Variants in FBXW7 observed in about 807,000 individuals in gnomAD.
FBXW7 encodes F-box and WD repeat domain containing 7, also known as F-box/WD repeat-containing protein 7.
Under a neutral mutation model 86.3 loss-of-function variants are expected in FBXW7, and 11 were observed. The observed-to-expected ratio is 0.13, with a 90% CI of 0.08 to 0.21. The LOEUF (loss-of-function observed/expected upper bound fraction) is 0.21, where lower values mean the gene tolerates loss of function less well. Among genes scored for constraint, FBXW7 ranks in the 10% least tolerant of loss-of-function variants. The pLI, the probability that FBXW7 is intolerant of heterozygous loss-of-function variation, is 1.00. For missense variants in FBXW7, 488 were observed against 847.4 expected (o/e 0.58, Z 5.27); for synonymous variants, 313 against 297.9 (o/e 1.05, Z -0.52).
At chr4:152,418,144 C>CACACAA (rs1013109273) in intron 2 of FBXW7, among the ~76,000 whole-genome samples, 12 of 151,888 alleles carry the variant, frequency 7.9e-5, no homozygotes, top group African/African-American at 2.7e-4. Flanking sequence ...CACACACACA[C>CACACAA]ACACACACAC....
chr4:152,385,633 C>T (rs1735460801), intron 4 of FBXW7, among the ~76,000 whole-genome samples: 1 of 151,974 alleles, frequency 6.6e-6, no homozygotes, highest in African/African-American at 2.4e-5. Flanking sequence ...ACAATGACAA[C>T]AGAAACAAAA....
chr4:152,349,969 A>G (rs1731649229), intron 5 of FBXW7, 73 bp downstream of exon 5: 7 of 829,834 alleles, frequency 8.4e-6, no homozygotes, highest in African/African-American at 1.7e-5. Context: ...TTCTACAAGA[A>G]TAAACTAAAA....
chr4:152,370,707 A>C (rs1733934161), intron 4 of FBXW7, among the ~76,000 whole-genome samples: 1 of 152,130 alleles, frequency 6.6e-6, no homozygotes, highest in African/African-American at 2.4e-5. Context: ...CCAATGTAGT[A>C]AGATGTACGT....
In FBXW7 at chr4:152,411,948, T is replaced by A. The variant is rs2292743; in HGVS notation, c.-69-76A>T. The A allele has an allele frequency of 0.34, 437,144 of 1,299,114 alleles. 79,638 individuals carry two copies. The highest frequency in any genetic ancestry group is 0.63 in the African/African-American group (42,289 of 67,018). 80.5% of individuals were successfully genotyped at this position (1,299,114 alleles called of 1,614,324 possible). On this transcript the variant is annotated intron_variant, in intron 3 of 13. Coordinates refer to ENST00000281708, the MANE Select transcript of FBXW7 (RefSeq NM_001349798.2). ...TTCTACTTTCATGTTATATGTCTAC[T>A]TTCTAAATATCATTAATGATTGCAA...
intron 2 of FBXW7, among the ~76,000 whole-genome samples, chr4:152,423,588 C>G (rs1288667720): frequency 1.3e-5 from 2 of 152,056 alleles, no homozygotes; most frequent in Non-Finnish European, 2.9e-5. Context: ...AGAGATAAAC[C>G]ACATAAATGA....
intron 2 of FBXW7, among the ~76,000 whole-genome samples, chr4:152,475,795 C>T (rs574569135): frequency 5.0e-4 from 76 of 152,230 alleles, no homozygotes; most frequent in African/African-American, 1.7e-3. Flanking sequence ...AAAATATGTG[C>T]AGGATCTGCA....
intron 2 of FBXW7, among the ~76,000 whole-genome samples, chr4:152,510,385 C>CA (rs1165741744): frequency 2.6e-5 from 4 of 152,166 alleles, no homozygotes; most frequent in African/African-American, 9.7e-5. Flanking sequence ...AAAAAGGCCA[C>CA]AAAAATGTAT....
At chr4:152,433,868 TTATTCCACGCATCTTACATG>T (rs1252462481) in intron 2 of FBXW7, among the ~76,000 whole-genome samples, 1 of 152,162 alleles carries the variant, frequency 6.6e-6, no homozygotes, top group East Asian at 1.9e-4. Context: ...AATGGAAAAA[TTATTCCACGCATCTTACATG>T]TATTTGTTGG....
intron 2 of FBXW7, among the ~76,000 whole-genome samples, chr4:152,435,718 T>C (rs919668592): frequency 6.6e-6 from 1 of 152,248 alleles, no homozygotes; most frequent in African/African-American, 2.4e-5. Context: ...TGCAGTTTAC[T>C]GCACTTCACA....
intron 10 of FBXW7, among the ~76,000 whole-genome samples, chr4:152,329,339 T>C (rs1729341834): frequency 6.6e-6 from 1 of 151,812 alleles, no homozygotes; most frequent in Non-Finnish European, 1.5e-5. Context: ...TACAAAGTAA[T>C]GAGGTATAAC....
Position 152,330,734 on chromosome 4 carries a change from T to C in FBXW7, c.1120A>G (p.Lys374Glu), listed in dbSNP as rs937391131. The C allele has an allele frequency of 3.7e-6, 6 of 1,611,682 alleles. No homozygotes were observed. Among genetic ancestry groups the C allele is most frequent in the South Asian group, 1.1e-5 (1 of 90,896 alleles). The change falls in exon 9 of 14, where the codon AAG becomes GAG. Residue 374 changes from lysine to glutamate, a missense_variant and splice_region_variant. Physicochemically the swap from Lys to Glu is moderately conservative, Grantham distance 56 (BLOSUM62 1). Coordinates refer to ENST00000281708, the MANE Select transcript of FBXW7 (RefSeq NM_001349798.2). ...NWRRGELKSP[K>E]VLKGHDDHVI... ...TACATTGTGCAGAGTTCAGTTACCTTAGGAGATTTGAGTTCTCCTCGCCTC... is the reference window on the plus strand; with the variant it reads ...TACATTGTGCAGAGTTCAGTTACCTCAGGAGATTTGAGTTCTCCTCGCCTC...
chr4:152,326,334 CTT>C (rs367926135), intron 11 of FBXW7, 103 bp from the exon 12 acceptor site: 42,655 of 518,346 alleles, frequency 0.082, no homozygotes, highest in East Asian at 0.1. Context: ...GGTTTTTTAG[CTT>C]TTTTTTTTTT....
intron 2 of FBXW7, among the ~76,000 whole-genome samples, chr4:152,430,904 G>A (rs749289234): frequency 6.6e-6 from 1 of 152,188 alleles, no homozygotes; most frequent in Non-Finnish European, 1.5e-5. Context: ...CCTTTGGTCA[G>A]TATTGTATCC....
rs761173677 is a variant in FBXW7 at position 152,328,329 on chromosome 4, T to C, written c.1297A>G (p.Ile433Val). ...CGATCTGTAGATCCACTAATGATGA[T>C]GTTGTCTCTCATTTGTGATGACCAT... ...GVWSSQMRDN[I>V]IISGSTDRTL... Residue 433 changes from isoleucine to valine, a missense_variant, in exon 11 of 14, where the codon ATC (isoleucine) becomes GTC (valine). Physicochemically the swap from Ile to Val is conservative, Grantham distance 29. Around this residue, in one of 4 missense-constraint regions of FBXW7, gnomAD observed 142 missense variants for 406.6 expected, o/e 0.35. Coordinates refer to ENST00000281708, the MANE Select transcript of FBXW7 (RefSeq NM_001349798.2). 2.5e-6 allele frequency: 4 copies of C among 1,592,912 alleles called. No individual in the cohort carries two copies. The highest frequency in any genetic ancestry group is 4.7e-5 in the East Asian group (2 of 42,942).
At chr4:152,346,430 AT>A (rs1328554848) in intron 6 of FBXW7, among the ~76,000 whole-genome samples, 1 of 152,224 alleles carries the variant, frequency 6.6e-6, no homozygotes, top group African/African-American at 2.4e-5. Context: ...AATAAAAAAA[AT>A]GTCAGTGCAC....
At chr4:152,400,198 T>C (rs545650849) in intron 4 of FBXW7, among the ~76,000 whole-genome samples, 1 of 152,292 alleles carries the variant, frequency 6.6e-6, no homozygotes, top group Admixed American at 6.5e-5. Flanking sequence ...AGCTAGTCTT[T>C]TCCGCAAATG....
intron 4 of FBXW7, among the ~76,000 whole-genome samples, chr4:152,387,907 A>AC (rs1053421958): frequency 6.6e-6 from 1 of 151,810 alleles, no homozygotes; most frequent in African/African-American, 2.4e-5. Context: ...ACAGGGTTTT[A>AC]CTATGTTGGC....
At chr4:152,509,858 T>A (rs973885869) in intron 2 of FBXW7, among the ~76,000 whole-genome samples, 7 of 152,210 alleles carry the variant, frequency 4.6e-5, no homozygotes, top group Admixed American at 2.0e-4. Context: ...CAATAGGTAG[T>A]CCATTTATTA....
In FBXW7 at chr4:152,456,360, T is replaced by TAAAAA. The variant is rs58250889; in HGVS notation, c.-119-43836_-119-43832dup. Among the ~76,000 whole-genome samples the TAAAAA allele has an allele frequency of 1.2e-4, 9 of 72,122 alleles. No individual in the cohort carries two copies. The East Asian group carries it at 3.3e-3, about 26-fold the overall frequency. The allele number at this position is 72,122 out of a possible 152,430, so 47.3% of individuals were successfully genotyped here. ...GGCCCTATCTCTTTAAAAAAATCCT[T>TAAAAA]AAAAAAAAAAAAAAAAAAAAAAAAA... On this transcript the variant is annotated intron_variant, in intron 2 of 13. Coordinates refer to ENST00000281708, the MANE Select transcript of FBXW7 (RefSeq NM_001349798.2).
Sources: allele counts gnomAD v4.1 joint callset (sites outside exome capture counted in the v4.1 genomes callset), GRCh38; gene constraint gnomAD v4.1.1; regional missense constraint gnomAD v4.1.1; transcripts MANE v1.5; gene names NCBI Gene and HGNC (gene_info 2026-07-23, HGNC 2026-07-21).